WWP2: variants seen among roughly 807,000 people sequenced by gnomAD.
The protein encoded by WWP2 is NEDD4-like E3 ubiquitin-protein ligase WWP2.
In WWP2, 57 loss-of-function variants were observed where a neutral mutation model predicts 121.0. The ratio of observed to expected loss-of-function variants is 0.47; its 90% confidence interval spans 0.38 to 0.59. The LOEUF (loss-of-function observed/expected upper bound fraction) is 0.59. Ranked by LOEUF, WWP2 falls within the 20% of genes least tolerant of loss-of-function variation. The probability of loss-of-function intolerance (pLI) is 0.00; values close to 1 mark genes in which losing one functional copy is unlikely to be tolerated. For synonymous variants in WWP2, 449 were observed against 441.3 expected (o/e 1.02, Z -0.22); for missense variants, 962 against 1,158.9 (o/e 0.83, Z 2.47).
chr16:69,901,443 T>TGA (rs568428122), intron 8 of WWP2, among the ~76,000 whole-genome samples: 51 of 152,256 alleles, frequency 3.3e-4, no homozygotes, highest in African/African-American at 1.2e-3. Context: ...GATGGAGTCT[T>TGA]GCTCTGTCGC....
In WWP2 at chr16:69,934,142, C is replaced by T; in HGVS notation, c.1842+13C>T. ...ATTCATCGCCATGGTAAGGGGGCCCCAGGGGTCTGCCTAGTTCCCTCCTCC... is the reference window on the plus strand; with the variant it reads ...ATTCATCGCCATGGTAAGGGGGCCCTAGGGGTCTGCCTAGTTCCCTCCTCC... On this transcript the variant is annotated intron_variant, in intron 17 of 23. Transcript: ENST00000359154. 6.2e-7 allele frequency: 1 copy of T among 1,614,050 alleles called. No individual in the cohort carries two copies. Among genetic ancestry groups the T allele is most frequent in the Non-Finnish European group, 8.5e-7 (1 of 1,179,952 alleles).
intron 2 of WWP2, 29 bp from the exon 3 acceptor site, chr16:69,798,653 C>G (rs948382202): frequency 6.2e-6 from 10 of 1,608,318 alleles, no homozygotes; most frequent in African/African-American, 1.3e-5. Context: ...TGGGACTCAT[C>G]TTTGACTTTT....
intron 6 of WWP2, among the ~76,000 whole-genome samples, chr16:69,849,296 C>T (rs1037835822): frequency 2.0e-5 from 3 of 152,110 alleles, no homozygotes; most frequent in Admixed American, 6.5e-5. Flanking sequence ...TGTTGGCTGG[C>T]GGTTGCCACC....
intron 6 of WWP2, among the ~76,000 whole-genome samples, chr16:69,861,645 C>T (rs1172818550): frequency 2.2e-5 from 3 of 136,068 alleles, no homozygotes; most frequent in South Asian, 2.4e-4. Flanking sequence ...CCGCCCTCTC[C>T]TTTTTTTTTT....
intron 10 of WWP2, chr16:69,924,929 G>C: frequency 1.0e-6 from 1 of 986,490 alleles, no homozygotes. Context: ...CAGCCAGGAA[G>C]CTCTGGGCGT....
chr16:69,851,998 C>CAAAACAAAAA (rs2151890444), intron 6 of WWP2, among the ~76,000 whole-genome samples: 1 of 151,980 alleles, frequency 6.6e-6, no homozygotes, highest in East Asian at 1.9e-4. Flanking sequence ...CAAAACAAAA[C>CAAAACAAAAA]AAAACAAAAC....
chr16:69,932,863 G>C (rs1401685655), intron 16 of WWP2, among the ~76,000 whole-genome samples: 1 of 152,232 alleles, frequency 6.6e-6, no homozygotes, highest in Non-Finnish European at 1.5e-5. Context: ...CCCCGGCAGA[G>C]AGAGAGAGCG....
rs1466509219 is a variant in WWP2, at chr16:69,800,000, C to T, written c.340+705C>T. ...GGCATGGAAAGAAAGGCTCCTTTTT[C>T]TCTTGATATCTGGAAAGTATTTTCT... On this transcript the variant is annotated intron_variant, in intron 4 of 23. Transcript: ENST00000359154. This position sits in a 1 kb window ranked among gnomAD's most constrained non-coding sequence, Gnocchi z 4.5. Among the ~76,000 whole-genome samples, 1 of 150,078 alleles carries T rather than the reference C, an allele frequency of 6.7e-6. No individual in the cohort carries two copies. Among genetic ancestry groups the T allele is most frequent in the Admixed American group, 6.7e-5 (1 of 14,954 alleles).
At chr16:69,803,915 A>C (rs989283842) in intron 4 of WWP2, among the ~76,000 whole-genome samples, 1 of 152,208 alleles carries the variant, frequency 6.6e-6, no homozygotes, top group African/African-American at 2.4e-5. Flanking sequence ...CTCAAAAAAA[A>C]ATAAAGTAAA....
chr16:69,842,117 C>A lies in WWP2; in HGVS notation c.572C>A (p.Ser191Tyr). The change falls in exon 6 of 24, where the codon TCC becomes TAC. Residue 191 changes from serine (S) to tyrosine (Y), a missense_variant. By Grantham distance (144) the Ser-to-Tyr change is moderately radical. Around this residue, in one of 3 missense-constraint regions of WWP2, gnomAD observed 211 missense variants for 196.5 expected, o/e 1.07. Coordinates refer to ENST00000359154, the MANE Select transcript of WWP2 (RefSeq NM_001270454.2). ...PPSTNCFGGR[S>Y]RTHRHSGASA... ...AGCACAAACTGCTTTGGTGGAAGAT[C>A]CCGGTAAGACCCCCCTTGGTGAGGA... 2 of 1,611,980 alleles carry A rather than the reference C, an allele frequency of 1.2e-6. No individual in the cohort carries two copies.
At chr16:69,887,379 C>T (rs2151937365) in intron 7 of WWP2, among the ~76,000 whole-genome samples, 1 of 152,208 alleles carries the variant, frequency 6.6e-6, no homozygotes, top group East Asian at 1.9e-4. Flanking sequence ...ATAAACTTGG[C>T]CTTGCTGCAT....
rs564049025 is a variant in WWP2, at chr16:69,814,158, CGTTT to C, written c.340+14880_340+14883del. On this transcript the variant is annotated intron_variant, in intron 4 of 23. Transcript: ENST00000359154. ...GTACCTTGCATACCAAATGTGGGGT[CGTTT>C]GTTTGTTTGTTTGTTTTTGACAAGG... Among the ~76,000 whole-genome samples the C allele has an allele frequency of 3.3e-5, 5 of 152,046 alleles. No homozygotes were observed. The South Asian group carries it at 8.3e-4, about 25-fold the overall frequency.
At chr16:69,881,539 TA>T (rs2057829943) in intron 7 of WWP2, among the ~76,000 whole-genome samples, 1 of 152,238 alleles carries the variant, frequency 6.6e-6, no homozygotes, top group African/African-American at 2.4e-5. Flanking sequence ...GTATACTAAT[TA>T]TTATTTTAGC....
intron 6 of WWP2, among the ~76,000 whole-genome samples, chr16:69,852,530 T>G (rs1426063027): frequency 6.6e-6 from 1 of 152,216 alleles, no homozygotes; most frequent in African/African-American, 2.4e-5. Flanking sequence ...CACCTCGGCC[T>G]CCCAAAGTGC....
intron 9 of WWP2, among the ~76,000 whole-genome samples, chr16:69,912,743 T>G (rs1375336869): frequency 6.6e-6 from 1 of 150,592 alleles, no homozygotes; most frequent in African/African-American, 2.4e-5. Flanking sequence ...AGTGGCTCAC[T>G]GTTAAATGCG....
intron 8 of WWP2, among the ~76,000 whole-genome samples, chr16:69,894,318 C>T (rs950968597): frequency 1.2e-4 from 18 of 151,084 alleles, no homozygotes; most frequent in African/African-American, 4.4e-4. Flanking sequence ...TGGGCTCAAG[C>T]GATCTTCCCG....
rs574448010 is a variant in WWP2, at chr16:69,856,027, C to T, written c.575+13907C>T. On this transcript the variant is annotated intron_variant, in intron 6 of 23. Transcript: ENST00000359154. ...TGGTATGTGCCTATAGTCCCAGCCACTGGGGAGGCTGAGCTGGGAGGATTG... is the reference window on the plus strand; with the variant it reads ...TGGTATGTGCCTATAGTCCCAGCCATTGGGGAGGCTGAGCTGGGAGGATTG... 2.0e-5 allele frequency among the ~76,000 whole-genome samples: 3 copies of T among 152,240 alleles called. No individual in the cohort carries two copies. In the East Asian group the frequency reaches 5.8e-4, roughly 29 times the overall value.
chr16:69,939,237 C>A, intron 22 of WWP2, 104 bp from the exon 23 acceptor site: 1 of 1,559,370 alleles, frequency 6.4e-7, no homozygotes, highest in Non-Finnish European at 8.8e-7. Context: ...AGAGCTGTGG[C>A]CTCTGCATCC....
chr16:69,821,524 G>A (rs1040441362), intron 4 of WWP2, among the ~76,000 whole-genome samples: 44 of 152,206 alleles, frequency 2.9e-4, no homozygotes, highest in Non-Finnish European at 3.1e-4. Flanking sequence ...CCTCCAGAGT[G>A]TTCTGTGAGG....
Sources: allele counts gnomAD v4.1 joint callset (sites outside exome capture counted in the v4.1 genomes callset), GRCh38; gene constraint gnomAD v4.1.1; regional missense constraint gnomAD v4.1.1; non-coding constraint Gnocchi (gnomAD v3.1); transcripts MANE v1.5; gene names NCBI Gene and HGNC (gene_info 2026-07-23, HGNC 2026-07-21).